The following BCAT2 variants were observed in gnomAD, a reference collection of about 807,000 sequenced individuals.
BCAT2 encodes branched chain amino acid transaminase 2.
BCAT2 carries 44 observed loss-of-function variants against 52.9 expected under a neutral mutation model. The observed-to-expected ratio is 0.83, with a 90% CI of 0.65 to 1.07. BCAT2 has a LOEUF of 1.07. Ranked by LOEUF, BCAT2 falls within the 50% of genes least tolerant of loss-of-function variation. The probability of loss-of-function intolerance (pLI) is 0.00; values close to 1 mark genes in which losing one functional copy is unlikely to be tolerated. For synonymous variants in BCAT2, 215 were observed against 217.1 expected, an observed-to-expected ratio of 0.99 and a Z score of 0.08; for missense variants, 478 against 521.8, an observed-to-expected ratio of 0.92 and a Z score of 0.82.
intron 6 of BCAT2, among the ~76,000 whole-genome samples, chr19:48,798,152 A>G (rs1377937507): frequency 6.7e-6 from 1 of 149,256 alleles, no homozygotes; most frequent in South Asian, 2.1e-4. Context: ...TGATCCGCCT[A>G]CCTCGGCCTC....
intron 3 of BCAT2, among the ~76,000 whole-genome samples, chr19:48,801,312 C>T (rs1366490718): frequency 6.6e-6 from 1 of 151,102 alleles, no homozygotes; most frequent in African/African-American, 2.4e-5. Context: ...AAACTAGCTA[C>T]AATATTTTGG....
intron 1 of BCAT2, among the ~76,000 whole-genome samples, chr19:48,809,756 A>G (rs1361434682): frequency 1.3e-5 from 2 of 149,766 alleles, no homozygotes; most frequent in East Asian, 3.9e-4. Context: ...CCTATTCACC[A>G]GGTCTGAAAT....
intron 1 of BCAT2, among the ~76,000 whole-genome samples, chr19:48,808,933 G>A (rs1259114358): frequency 6.6e-6 from 1 of 151,644 alleles, no homozygotes; most frequent in Non-Finnish European, 1.5e-5. Context: ...AATTAGCCAG[G>A]TATGGTGGCA....
In BCAT2 at chr19:48,795,227, G is replaced by A. The variant is rs1357045024; in HGVS notation, c.*199C>T. 1.5e-6 allele frequency: 1 copy of A among 652,286 alleles called. No homozygotes were observed. The highest frequency in any genetic ancestry group is 2.7e-6 in the Non-Finnish European group (1 of 371,996). 40.4% of individuals were successfully genotyped at this position (652,286 alleles called of 1,614,324 possible). The stretch of plus-strand genomic sequence containing the variant: ...TAATGGGCGGACCTGAACCCGCGAC[G>A]AGGGGCTGGGGGCCAAGATGCCTGG... On this transcript the variant is annotated 3_prime_UTR_variant, in exon 11 of 11. Transcript: ENST00000316273.
chr19:48,801,756 C>T (rs1030599320), intron 3 of BCAT2, among the ~76,000 whole-genome samples: 2 of 152,128 alleles, frequency 1.3e-5, no homozygotes, highest in Non-Finnish European at 2.9e-5. Context: ...TTTGCCTCAA[C>T]CTCCCAAGTA....
intron 10 of BCAT2, among the ~76,000 whole-genome samples, chr19:48,795,676 G>A (rs1210294715): frequency 6.6e-6 from 1 of 152,130 alleles, no homozygotes; most frequent in Non-Finnish European, 1.5e-5. Flanking sequence ...TCTGAAGACA[G>A]GAATTATGGC....
At chr19:48,800,719 G>C (rs1391902157) in intron 3 of BCAT2, among the ~76,000 whole-genome samples, 1 of 152,166 alleles carries the variant, frequency 6.6e-6, no homozygotes, top group Non-Finnish European at 1.5e-5. Flanking sequence ...GGTGGTGGGA[G>C]GATCACTTGA....
rs751053520 is a variant in BCAT2, at chr19:48,799,655, G to T, written c.695+20C>A. 1.3e-6 allele frequency: 2 copies of T among 1,550,196 alleles called. No individual in the cohort carries two copies. Among genetic ancestry groups the T allele is most frequent in the East Asian group, 2.3e-5 (1 of 43,920 alleles). On this transcript the variant is annotated intron_variant, in intron 6 of 10. Transcript: ENST00000316273. This position sits in a 1 kb window ranked among gnomAD's most constrained non-coding sequence, Gnocchi z 5.5. The stretch of plus-strand genomic sequence containing the variant: ...AACGCCCAGTGCGCCAGTCGTTCTG[G>T]GGATGGGGGTGCTACTTACCCACCT...
Position 48,796,564 on chromosome 19 carries a change from C to A in BCAT2, c.1065+14G>T, listed in dbSNP as rs1271982112. The A allele has an allele frequency of 6.2e-7, 1 of 1,610,932 alleles. No individual in the cohort carries two copies. Among genetic ancestry groups the A allele is most frequent in the Non-Finnish European group, 8.5e-7 (1 of 1,178,888 alleles). ...CCTCCTTCCCTCCCACCCACAATGG[C>A]AGCCCCGCCTCACCCTGTCTTTGTA... is the stretch of plus-strand genomic sequence containing the variant. On this transcript the variant is annotated intron_variant, in intron 9 of 10. Coordinates refer to ENST00000316273, the MANE Select transcript of BCAT2 (RefSeq NM_001190.4).
rs908478816 is a variant in BCAT2, at chr19:48,807,983, G to A, written c.25-909C>T. 21 of 985,954 alleles carry A rather than the reference G, an allele frequency of 2.1e-5. No homozygotes were observed. Among genetic ancestry groups the A allele is most frequent in the Admixed American group, 1.8e-4 (3 of 16,270 alleles). The allele number at this position is 985,954 out of a possible 1,614,324, so 61.1% of individuals were successfully genotyped here. A position where few individuals can be genotyped will look rare whatever the true frequency, so the allele number is the denominator to read the frequency against. On this transcript the variant is annotated intron_variant, in intron 1 of 10. Transcript: ENST00000316273. This position sits in a 1 kb window ranked among gnomAD's most constrained non-coding sequence, Gnocchi z 4.6. ...TCTTTCCCCAGCCCTGTGGGGAGGC[G>A]TTGGGGCGTGAGGTTGAGAGAGACA...
Position 48,807,911 on chromosome 19 carries a change from G to A in BCAT2, c.25-837C>T, listed in dbSNP as rs2122698340. On this transcript the variant is annotated intron_variant, in intron 1 of 10. Coordinates refer to ENST00000316273, the MANE Select transcript of BCAT2 (RefSeq NM_001190.4). The surrounding 1 kb of genome is among the most constrained non-coding windows in gnomAD (Gnocchi z 4.6). ...GAGTAGGAAGAGCAGGTCTGGCTGT[G>A]TCCAGCAGGCTGGGCCCTCTCTGGT... The A allele has an allele frequency of 1.0e-6, 1 of 985,832 alleles. No homozygotes were observed. The highest frequency in any genetic ancestry group is 1.7e-5 in the African/African-American group (1 of 57,348). The allele number at this position is 985,832 out of a possible 1,614,324, so 61.1% of individuals were successfully genotyped here. A position where few individuals can be genotyped will look rare whatever the true frequency, so the allele number is the denominator to read the frequency against.
At chr19:48,808,190 GC>G in intron 1 of BCAT2, 4 of 986,466 alleles carry the variant, frequency 4.1e-6, no homozygotes, top group Non-Finnish European at 4.8e-6. Context: ...TCCCCAGATT[GC>G]CTTTGGGTGG....
intron 3 of BCAT2, among the ~76,000 whole-genome samples, chr19:48,802,653 G>T (rs1477142060): frequency 1.3e-5 from 2 of 151,864 alleles, no homozygotes; most frequent in African/African-American, 4.8e-5. Flanking sequence ...TCACCATGTT[G>T]GCAAAGCTGG....
chr19:48,797,382 C>A (rs1366225324), intron 6 of BCAT2, 49 bp from the exon 7 acceptor site: 24 of 1,604,834 alleles, frequency 1.5e-5, no homozygotes, highest in Non-Finnish European at 1.9e-5. Flanking sequence ...CCCATCCTTC[C>A]CCAGCCCAGC....
chr19:48,808,234 C>T, intron 1 of BCAT2: 1 of 985,826 alleles, frequency 1.0e-6, no homozygotes, highest in African/African-American at 1.7e-5. Context: ...TGCAGCCATG[C>T]TTCTGCCCAG....
intron 3 of BCAT2, among the ~76,000 whole-genome samples, chr19:48,804,238 T>C (rs1297276050): frequency 2.6e-5 from 4 of 151,860 alleles, no homozygotes; most frequent in African/African-American, 9.7e-5. Context: ...GTATGCGTAT[T>C]AGTACCACAA....
At position 48,806,547 on chromosome 19, in the gene BCAT2, T is replaced by G. The variant is rs757196220; in HGVS notation, c.270A>C (p.Pro90=). 1.9e-6 allele frequency: 3 copies of G among 1,613,846 alleles called. No individual in the cohort carries two copies. Among genetic ancestry groups the G allele is most frequent in the Non-Finnish European group, 2.5e-6 (3 of 1,179,948 alleles). The change falls in exon 3 of 11, where the codon CCA becomes CCC. Residue 90 remains proline (P), a synonymous_variant. Transcript: ENST00000316273. ...IQPFQNLTLH[P]ASSSLHYSLQ... ...GGGAGTAGTGGAGGCTGGAGGAGGC[T>G]GGGTGCAGCGTGAGGTTCTGGAAGG...
chr19:48,799,896 C>G lies in BCAT2; in HGVS notation c.532-58G>C. On this transcript the variant is annotated intron_variant, in intron 5 of 10. Transcript: ENST00000316273. The surrounding 1 kb of genome is among the most constrained non-coding windows in gnomAD (Gnocchi z 5.5). ...CAGGCCCCCAGTCCCTTCCCGTCCC[C>G]AGGCCCAGGCCTCCAGGACCCCACC... 1.3e-6 allele frequency: 2 copies of G among 1,591,174 alleles called. No homozygotes were observed. Among genetic ancestry groups the G allele is most frequent in the Admixed American group, 3.6e-5 (2 of 56,024 alleles).
intron 10 of BCAT2, 61 bp from the exon 11 acceptor site, chr19:48,795,525 T>G: frequency 1.9e-6 from 3 of 1,597,412 alleles, no homozygotes; most frequent in Non-Finnish European, 1.7e-6. Flanking sequence ...CAGTAGGCCC[T>G]GGGGTGTTCC....
Sources: gnomAD v4.1 joint callset for allele counts (sites outside exome capture counted in the v4.1 genomes callset) on GRCh38, gnomAD v4.1.1 for gene constraint, Gnocchi (gnomAD v3.1) non-coding constraint, MANE v1.5 for transcripts, NCBI Gene and HGNC (gene_info 2026-07-23, HGNC 2026-07-21) for gene names.